Variants in CPNE5 observed in about 807,000 individuals in gnomAD.
CPNE5 encodes copine-5.
Under a neutral mutation model 81.1 loss-of-function variants are expected in CPNE5, and 42 were observed. The ratio of observed to expected loss-of-function variants is 0.52; its 90% confidence interval spans 0.40 to 0.67. The LOEUF (loss-of-function observed/expected upper bound fraction) is 0.67. Among genes scored for constraint, CPNE5 ranks in the 30% least tolerant of loss-of-function variants. CPNE5 has a pLI of 0.00. For synonymous variants in CPNE5, 313 were observed against 321.5 expected (o/e 0.97, Z 0.28); for missense variants, 612 against 815.5 (o/e 0.75, Z 3.04).
chr6:36,827,532 A>T, intron 1 of CPNE5: 1 of 984,198 alleles, frequency 1.0e-6, no homozygotes, highest in African/African-American at 1.7e-5. Flanking sequence ...CAGCCGTCCA[A>T]ATACCACATG....
At position 36,744,327 on chromosome 6, in the gene CPNE5, T is replaced by C; in HGVS notation, c.1432-2A>G. ...GATGGACATGGGGAGCTTGGCAGCC[T>C]GGGAGACAGCATGGGGGGCAGGGAA... On this transcript the variant is annotated splice_acceptor_variant, in intron 18 of 20. Coordinates refer to ENST00000244751, the MANE Select transcript of CPNE5 (RefSeq NM_020939.2). LOFTEE classifies it high-confidence loss of function. The C allele has an allele frequency of 6.3e-7, 1 of 1,580,210 alleles. No individual in the cohort carries two copies. The highest frequency in any genetic ancestry group is 8.6e-7 in the Non-Finnish European group (1 of 1,163,446).
At chr6:36,777,831 G>A (rs1312898648) in intron 9 of CPNE5, among the ~76,000 whole-genome samples, 1 of 140,262 alleles carries the variant, frequency 7.1e-6, no homozygotes, top group East Asian at 2.1e-4. Flanking sequence ...TTGGGGGGAC[G>A]GTCTTTCTGC....
intron 1 of CPNE5, 104 bp from the exon 2 acceptor site, chr6:36,823,202 C>A: frequency 1.1e-6 from 1 of 935,316 alleles, no homozygotes; most frequent in Admixed American, 2.9e-5. Context: ...TCTGGCCTGG[C>A]CTCAGGCAAA....
In CPNE5 at chr6:36,792,266, C is replaced by T. The variant is rs531622136; in HGVS notation, c.465-170G>A. ...TCCTGAGATCCTTGTGGCAGTGTGG[C>T]CTAGTGCACTGCTTCCTGGGACCGG... On this transcript the variant is annotated intron_variant, in intron 7 of 20. Coordinates refer to ENST00000244751, the MANE Select transcript of CPNE5 (RefSeq NM_020939.2). 16 of 1,346,354 alleles carry T rather than the reference C, an allele frequency of 1.2e-5. No homozygotes were observed. The East Asian group carries it at 2.5e-4, about 21-fold the overall frequency. The allele number at this position is 1,346,354 out of a possible 1,614,324, so 83.4% of individuals were successfully genotyped here. A position where few individuals can be genotyped will look rare whatever the true frequency, so the allele number is the denominator to read the frequency against.
chr6:36,762,845 A>G (rs1766182851), intron 12 of CPNE5, 72 bp downstream of exon 12: 1 of 1,222,782 alleles, frequency 8.2e-7, no homozygotes, highest in Non-Finnish European at 1.2e-6. Context: ...AGCCCAGTGC[A>G]TGGCTCACTA....
chr6:36,756,405 A>C, intron 12 of CPNE5, 107 bp from the exon 13 acceptor site: 2 of 905,170 alleles, frequency 2.2e-6, no homozygotes, highest in South Asian at 1.4e-5. Flanking sequence ...GCCCCATTAG[A>C]GTGTGGGGTG....
intron 3 of CPNE5, among the ~76,000 whole-genome samples, chr6:36,807,952 A>C (rs1040972599): frequency 2.6e-5 from 4 of 152,218 alleles, no homozygotes; most frequent in African/African-American, 9.6e-5. Flanking sequence ...AAAAGGCAGG[A>C]GGAGCCCTTG....
At chr6:36,834,278 AG>A (rs1362510320) in intron 1 of CPNE5, among the ~76,000 whole-genome samples, 1 of 91,774 alleles carries the variant, frequency 1.1e-5, no homozygotes, top group Non-Finnish European at 2.1e-5. Flanking sequence ...AAAAAAAAAA[AG>A]GAAGGAAGGG....
Position 36,774,997 on chromosome 6 carries a change from A to G in CPNE5, c.701T>C (p.Ile234Thr), listed in dbSNP as rs1334019198. Residue 234 changes from isoleucine to threonine, a missense_variant, in exon 10 of 21, where the codon ATT becomes ACT. Transcript: ENST00000244751. ...GCCGTTGCAGAGGGCTCTCACGGGA[A>G]TGGAGAAAGTTTGCCAGACTGGATT... ...TLNPVWQTFSIPVRALCNGDY... is the reference protein window; with the variant it reads ...TLNPVWQTFSTPVRALCNGDY... The G allele has an allele frequency of 1.2e-6, 2 of 1,613,966 alleles. No individual in the cohort carries two copies. Among genetic ancestry groups the G allele is most frequent in the Non-Finnish European group, 1.7e-6 (2 of 1,179,936 alleles).
At chr6:36,750,036 A>G (rs778317168) in intron 14 of CPNE5, among the ~76,000 whole-genome samples, 1 of 152,240 alleles carries the variant, frequency 6.6e-6, no homozygotes, top group Non-Finnish European at 1.5e-5. Context: ...TCCACCCCAG[A>G]AATGCCAATT....
At chr6:36,838,669 C>T (rs1045341409) in intron 1 of CPNE5, 2 of 681,082 alleles carry the variant, frequency 2.9e-6, no homozygotes, top group Non-Finnish European at 1.8e-6. Context: ...AATGGTGCCA[C>T]TTTAAGTTGT....
chr6:36,816,665 G>A (rs749080705), intron 3 of CPNE5, among the ~76,000 whole-genome samples: 40 of 152,338 alleles, frequency 2.6e-4, no homozygotes, highest in Non-Finnish European at 5.0e-4. Flanking sequence ...TCCCAGAGGC[G>A]GTTCCATAGA....
chr6:36,772,606 G>A (rs890552671), intron 10 of CPNE5, among the ~76,000 whole-genome samples: 26 of 152,300 alleles, frequency 1.7e-4, no homozygotes, highest in South Asian at 4.1e-4. Context: ...GAGGCGCCAC[G>A]CTGGGACACA....
rs137922322 is a variant in CPNE5 at position 36,792,398 on chromosome 6, G to A, written c.465-302C>T. On this transcript the variant is annotated intron_variant, in intron 7 of 20. Coordinates refer to ENST00000244751, the MANE Select transcript of CPNE5 (RefSeq NM_020939.2). Reference sequence around the variant, plus strand: ...ATTGGAAAAGCATCCAGACTCACCCGGAGGCTTCCAGACCAGTGGTTCTCA... The same window carrying A: ...ATTGGAAAAGCATCCAGACTCACCCAGAGGCTTCCAGACCAGTGGTTCTCA... The A allele has an allele frequency of 5.4e-4, 782 of 1,448,164 alleles. 2 individuals carry two copies. In the African/African-American group the frequency reaches 9.4e-3, roughly 17 times the overall value. The allele number at this position is 1,448,164 out of a possible 1,614,324, so 89.7% of individuals were successfully genotyped here. A position where few individuals can be genotyped will look rare whatever the true frequency, so the allele number is the denominator to read the frequency against.
In CPNE5 at chr6:36,766,798, A is replaced by G. The variant is rs1255787585; in HGVS notation, c.738-1422T>C. On this transcript the variant is annotated intron_variant, in intron 10 of 20. Transcript: ENST00000244751. This position sits in a 1 kb window ranked among gnomAD's most constrained non-coding sequence, Gnocchi z 4.2. ...CCGCCTGCTGCATGGGAGGGTCTCTACAAAAATGCCTCCTTCTCTCCACTT... is the reference window on the plus strand; with the variant it reads ...CCGCCTGCTGCATGGGAGGGTCTCTGCAAAAATGCCTCCTTCTCTCCACTT... 6.6e-6 allele frequency among the ~76,000 whole-genome samples: 1 copy of G among 152,194 alleles called. No homozygotes were observed. Among genetic ancestry groups the G allele is most frequent in the East Asian group, 1.9e-4 (1 of 5,196 alleles).
intron 8 of CPNE5, among the ~76,000 whole-genome samples, chr6:36,790,167 T>C (rs1768956625): frequency 6.6e-6 from 1 of 152,194 alleles, no homozygotes; most frequent in Admixed American, 6.5e-5. Flanking sequence ...TGAGGAAAAT[T>C]AATGAGGACC....
intron 10 of CPNE5, among the ~76,000 whole-genome samples, chr6:36,768,991 G>A (rs11760163): frequency 0.078 from 11,839 of 152,210 alleles, 562 homozygotes; most frequent in East Asian, 0.17. Context: ...TACAGTCAGC[G>A]CTGGACACAT....
intron 14 of CPNE5, among the ~76,000 whole-genome samples, chr6:36,748,561 C>A (rs1185150865): frequency 6.6e-6 from 1 of 152,154 alleles, no homozygotes; most frequent in Non-Finnish European, 1.5e-5. Context: ...CAAACCCTAC[C>A]CCCTGGGCCC....
intron 14 of CPNE5, among the ~76,000 whole-genome samples, chr6:36,750,290 G>A (rs1221993105): frequency 6.6e-6 from 1 of 152,184 alleles, no homozygotes; most frequent in Non-Finnish European, 1.5e-5. Flanking sequence ...ACAGCAGAAG[G>A]TCCCTATCAG....
Sources: allele counts gnomAD v4.1 joint callset (sites outside exome capture counted in the v4.1 genomes callset), GRCh38; gene constraint gnomAD v4.1.1; non-coding constraint Gnocchi (gnomAD v3.1); transcripts MANE v1.5; gene names NCBI Gene and HGNC (gene_info 2026-07-23, HGNC 2026-07-21).